Variants in OPCML observed in about 807,000 individuals in gnomAD.
The protein encoded by OPCML is opioid binding protein/cell adhesion molecule like, also known as opioid-binding protein/cell adhesion molecule.
A neutral mutation model predicts 37.8 loss-of-function variants in OPCML; 13 were observed. That is an observed-to-expected ratio of 0.34 (90% CI 0.22 to 0.55). The LOEUF is 0.55. Among genes scored for constraint, OPCML ranks in the 20% least tolerant of loss-of-function variants. The pLI, the probability that OPCML is intolerant of heterozygous loss-of-function variation, is 0.91. For missense variants in OPCML, 341 were observed against 435.6 expected (o/e 0.78, Z 1.93); for synonymous variants, 176 against 168.8 (o/e 1.04, Z -0.33).
At chr11:132,641,917 C>T (rs553826464) in intron 3 of OPCML, among the ~76,000 whole-genome samples, 1 of 152,174 alleles carries the variant, frequency 6.6e-6, no homozygotes, top group Admixed American at 6.5e-5. Flanking sequence ...GGGCTCACAT[C>T]GGCAGGGTGT....
At chr11:133,498,116 G>C (rs184751222) in intron 1 of OPCML, among the ~76,000 whole-genome samples, 1 of 152,304 alleles carries the variant, frequency 6.6e-6, no homozygotes, top group African/African-American at 2.4e-5. Flanking sequence ...AGAGGGTGCC[G>C]GGCAAGCGGC....
intron 1 of OPCML, chr11:133,066,488 A>T (rs935954728): frequency 1.3e-5 from 2 of 152,192 alleles, no homozygotes; most frequent in Non-Finnish European, 2.9e-5. Flanking sequence ...GGGTCCTGCA[A>T]TATTTTTATT....
At chr11:133,104,236 GC>G (rs1399880941) in intron 1 of OPCML, among the ~76,000 whole-genome samples, 1 of 152,194 alleles carries the variant, frequency 6.6e-6, no homozygotes, top group African/African-American at 2.4e-5. Context: ...TGTTGATGAA[GC>G]TTTTCCATGG....
At position 132,420,259 on chromosome 11, in the gene OPCML, G is replaced by A; in HGVS notation, c.951C>T (p.Ala317=). The A allele has an allele frequency of 6.2e-7, 1 of 1,613,902 alleles. No homozygotes were observed. The highest frequency in any genetic ancestry group is 8.5e-7 in the Non-Finnish European group (1 of 1,179,846). ...GCCAGAGACAAGCCAGTGCTCTGGA[G>A]GCCGAGTTTACACCATCAATGACTG... ...PGAVIDGVNS[A]SRALACLWLS... is the part of the protein sequence containing the mutation. Residue 317 remains alanine, a synonymous_variant, in exon 8 of 8, where the codon GCC becomes GCT. Transcript: ENST00000524381.
chr11:133,473,717 T>G (rs552689792), intron 1 of OPCML, among the ~76,000 whole-genome samples: 5 of 152,326 alleles, frequency 3.3e-5, no homozygotes, highest in African/African-American at 1.2e-4. Flanking sequence ...GTTGCTTCCA[T>G]TGGCTAGGCC....
chr11:133,522,966 T>C (rs1396914801), intron 1 of OPCML, among the ~76,000 whole-genome samples: 3 of 152,178 alleles, frequency 2.0e-5, no homozygotes, highest in Non-Finnish European at 4.4e-5. Flanking sequence ...ATACATGCTT[T>C]GCATCGTGAT....
intron 7 of OPCML, 117 bp from the exon 8 acceptor site, chr11:132,420,410 C>G (rs2095954204): frequency 1.4e-6 from 2 of 1,448,122 alleles, no homozygotes; most frequent in Non-Finnish European, 1.8e-6. Flanking sequence ...GCTGACCATT[C>G]CAAGTCTAAA....
At chr11:133,494,123 C>T (rs985109543) in intron 1 of OPCML, among the ~76,000 whole-genome samples, 1 of 152,070 alleles carries the variant, frequency 6.6e-6, no homozygotes, top group African/African-American at 2.4e-5. Flanking sequence ...TAAAAAAATG[C>T]TCACCATCAC....
intron 3 of OPCML, among the ~76,000 whole-genome samples, chr11:132,553,756 C>T (rs561663442): frequency 4.6e-5 from 7 of 152,258 alleles, no homozygotes; most frequent in African/African-American, 7.2e-5. Flanking sequence ...TCTGATAATG[C>T]GGAATGAATA....
chr11:132,751,580 A>G (rs781697828), intron 2 of OPCML, among the ~76,000 whole-genome samples: 1 of 152,230 alleles, frequency 6.6e-6, no homozygotes, highest in Middle Eastern at 3.2e-3. Context: ...ATTTTACATC[A>G]GTGATCTCAT....
chr11:132,944,035 A>G (rs1367858938), intron 1 of OPCML, among the ~76,000 whole-genome samples: 1 of 151,580 alleles, frequency 6.6e-6, no homozygotes, highest in African/African-American at 2.4e-5. Flanking sequence ...GCTCATCCCG[A>G]CGGGCGGGCG....
intron 1 of OPCML, among the ~76,000 whole-genome samples, chr11:133,090,131 C>A (rs112340606): frequency 6.6e-6 from 1 of 152,146 alleles, no homozygotes; most frequent in Non-Finnish European, 1.5e-5. Context: ...TATGGAGCAT[C>A]CTCTCCGCCC....
At chr11:133,328,584 G>C (rs1943536820) in intron 1 of OPCML, among the ~76,000 whole-genome samples, 1 of 152,136 alleles carries the variant, frequency 6.6e-6, no homozygotes, top group African/African-American at 2.4e-5. Flanking sequence ...ACCAAGTGCT[G>C]GGCACTTTAC....
At position 133,229,901 on chromosome 11, in the gene OPCML, A is replaced by G. The variant is rs550886682; in HGVS notation, c.62-286891T>C. Among the ~76,000 whole-genome samples, 12 of 152,196 alleles carry G rather than the reference A, an allele frequency of 7.9e-5. No homozygotes were observed. In the South Asian group the frequency reaches 2.5e-3, roughly 32 times the overall value. On this transcript the variant is annotated intron_variant, in intron 1 of 7. Transcript: ENST00000524381. ...TTTCAGTTTTATTGTGTGTGTGTGG[A>G]TGTACATGTGGCGTGAATACATCAT...
At chr11:133,310,002 C>CAA (rs147891596) in intron 1 of OPCML, among the ~76,000 whole-genome samples, 7,671 of 152,030 alleles carry the variant, frequency 0.05, 220 homozygotes, top group Middle Eastern at 0.082. Context: ...GTCTAGAGTA[C>CAA]GAGAGAGATG....
intron 1 of OPCML, among the ~76,000 whole-genome samples, chr11:133,440,678 G>C (rs1946344387): frequency 6.9e-6 from 1 of 145,718 alleles, no homozygotes; most frequent in South Asian, 2.1e-4. Context: ...AATGAGCCAA[G>C]ACCTCACCAT....
At chr11:133,123,024 A>G (rs575233933) in intron 1 of OPCML, among the ~76,000 whole-genome samples, 2 of 152,354 alleles carry the variant, frequency 1.3e-5, no homozygotes, top group South Asian at 2.1e-4. Flanking sequence ...AAGCAGAAAT[A>G]ATGTTTTTCC....
At chr11:133,331,509 CA>C (rs1943618971) in intron 1 of OPCML, among the ~76,000 whole-genome samples, 1 of 151,984 alleles carries the variant, frequency 6.6e-6, no homozygotes, top group Non-Finnish European at 1.5e-5. Context: ...CAAGTACTAA[CA>C]AAACAAAAAC....
intron 1 of OPCML, among the ~76,000 whole-genome samples, chr11:133,330,996 C>T (rs1943605882): frequency 6.6e-6 from 1 of 152,042 alleles, no homozygotes; most frequent in Admixed American, 6.5e-5. Flanking sequence ...TGATTTGAAC[C>T]CAAGTCCAAG....
Sources: gnomAD v4.1 joint callset for allele counts (sites outside exome capture counted in the v4.1 genomes callset) on GRCh38, gnomAD v4.1.1 for gene constraint, MANE v1.5 for transcripts, NCBI Gene and HGNC (gene_info 2026-07-23, HGNC 2026-07-21) for gene names.